The following ORM2 variants were observed in gnomAD, a reference collection of about 807,000 sequenced individuals.
The protein encoded by ORM2 is orosomucoid 2.
In ORM2, 19 loss-of-function variants were observed where a neutral mutation model predicts 26.8. The observed-to-expected ratio is 0.71, with a 90% confidence interval of 0.49 to 1.04. The LOEUF is 1.04. Among genes scored for constraint, ORM2 ranks in the 50% least tolerant of loss-of-function variants. The pLI, the probability that ORM2 is intolerant of heterozygous loss-of-function variation, is 0.00. For missense variants in ORM2, 259 were observed against 244.9 expected, an observed-to-expected ratio of 1.06 and a Z score of -0.39; for synonymous variants, 94 against 100.0, an observed-to-expected ratio of 0.94 and a Z score of 0.36.
chr9:114,331,754 G>C, intron 4 of ORM2, 72 bp from the exon 5 acceptor site: 1 of 1,581,500 alleles, frequency 6.3e-7, no homozygotes, highest in African/African-American at 1.4e-5. Context: ...CTGGCCCCTA[G>C]AACCCCAGCC....
chr9:114,331,794 G>A, intron 4 of ORM2, 32 bp from the exon 5 acceptor site: 4 of 1,607,152 alleles, frequency 2.5e-6, no homozygotes, highest in Non-Finnish European at 3.4e-6. Context: ...GCCCCACCAT[G>A]TCCCCAGTCA....
rs754749610 is a variant in ORM2, at chr9:114,330,458, G to A, written c.139G>A (p.Ala47Thr). 12 of 1,601,276 alleles carry A rather than the reference G, an allele frequency of 7.5e-6. No homozygotes were observed. The highest frequency in any genetic ancestry group is 6.7e-5 in the Admixed American group (4 of 59,810). The change falls in exon 2 of 6, where the codon GCA (alanine) becomes ACA (threonine). Residue 47 changes from alanine (A) to threonine (T), a missense_variant. By Grantham distance (58) the Ala-to-Thr change is moderately conservative. Transcript: ENST00000431067. ...DRITGKWFYI[A>T]SAFRNEEYNK... ...GATCACTGGCAAGTGGTTTTATATCGCATCGGCCTTTCGAAACGAGGAGTA... is the reference window on the plus strand; with the variant it reads ...GATCACTGGCAAGTGGTTTTATATCACATCGGCCTTTCGAAACGAGGAGTA...
rs546865293 is a variant in ORM2 at position 114,330,117 on chromosome 9, A to G, written c.114+99A>G. 1.9e-3 allele frequency: 3,046 copies of G among 1,604,158 alleles called. 25 individuals carry two copies. Among genetic ancestry groups the G allele is most frequent in the Admixed American group, 0.014 (822 of 57,896 alleles). Reference sequence around the variant, plus strand: ...TGGCTGTGGTCGCACCCCCACTCCCAGCTCTGCCTTTTTCTCTTCTGGGTC... The same window carrying G: ...TGGCTGTGGTCGCACCCCCACTCCCGGCTCTGCCTTTTTCTCTTCTGGGTC... On this transcript the variant is annotated intron_variant, in intron 1 of 5. Transcript: ENST00000431067.
At chr9:114,331,768 C>T (rs1171792798) in intron 4 of ORM2, 58 bp from the exon 5 acceptor site, 3 of 1,592,728 alleles carry the variant, frequency 1.9e-6, no homozygotes, top group Admixed American at 1.7e-5. Flanking sequence ...CCCAGCCCTC[C>T]CTGGCCTCCC....
Position 114,331,902 on chromosome 9 carries a change from A to C in ORM2, c.513A>C (p.Ser171=). 2 of 1,613,886 alleles carry C rather than the reference A, an allele frequency of 1.2e-6. No homozygotes were observed. Among genetic ancestry groups the C allele is most frequent in the Non-Finnish European group, 1.7e-6 (2 of 1,179,878 alleles). ...EALDCLCIPR[S]DVMYTDWKKD... is the part of the protein sequence containing the mutation. ...TCGACTGCTTGTGCATTCCCAGGTC[A>C]GATGTCATGTACACCGACTGGAAAA... The change falls in exon 5 of 6, where the codon TCA becomes TCC. Residue 171 remains serine (S), a synonymous_variant. Transcript: ENST00000431067.
chr9:114,331,797 C>T (rs1293159910), intron 4 of ORM2, 29 bp from the exon 5 acceptor site: 1 of 1,608,282 alleles, frequency 6.2e-7, no homozygotes, highest in African/African-American at 1.3e-5. Context: ...CCACCATGTC[C>T]CCAGTCAGTC....
chr9:114,330,732 G>T (rs375273392), intron 2 of ORM2, 60 bp from the exon 3 acceptor site: 147 of 1,596,172 alleles, frequency 9.2e-5, no homozygotes, highest in Non-Finnish European at 1.0e-4. Flanking sequence ...TGTGATGGGC[G>T]ATTGGCCACT....
In ORM2 at chr9:114,330,792, C is replaced by T; in HGVS notation, c.258C>T (p.Arg86=). 1 of 1,613,642 alleles carries T rather than the reference C, an allele frequency of 6.2e-7. No individual in the cohort carries two copies. Residue 86 remains arginine, a splice_region_variant and synonymous_variant, in exon 3 of 6, where the codon CGC becomes CGT. Coordinates refer to ENST00000431067, the MANE Select transcript of ORM2 (RefSeq NM_000608.4). Reference sequence around the variant, plus strand: ...TCTTCCGCCTTCTGGTTGACTTTAGCCAGAACCAGTGCTTCTATAACTCCA... The same window carrying T: ...TCTTCCGCCTTCTGGTTGACTTTAGTCAGAACCAGTGCTTCTATAACTCCA... ...DTIFLREYQT[R]QNQCFYNSSY...
rs570655307 is a variant in ORM2 at position 114,332,827 on chromosome 9, CA to C, written c.541-241del. Among the ~76,000 whole-genome samples, 13 of 152,294 alleles carry C rather than the reference CA, an allele frequency of 8.5e-5. No individual in the cohort carries two copies. In the East Asian group the frequency reaches 2.5e-3, roughly 29 times the overall value. Reference sequence around the variant, plus strand: ...AAGGGCCCTGCAGGTACTATGTGCTCAGTAAATGCCAGTGGTTCTTAAGGGT... The same window carrying C: ...AAGGGCCCTGCAGGTACTATGTGCTCGTAAATGCCAGTGGTTCTTAAGGGT... On this transcript the variant is annotated intron_variant, in intron 5 of 5. Coordinates refer to ENST00000431067, the MANE Select transcript of ORM2 (RefSeq NM_000608.4).
chr9:114,332,033 G>C (rs1588926039), intron 5 of ORM2, 104 bp downstream of exon 5: 1 of 944,344 alleles, frequency 1.1e-6, no homozygotes, highest in African/African-American at 1.8e-5. Context: ...GCACAGCTAG[G>C]CAGATCTTCT....
rs569411411 is a variant in ORM2, at chr9:114,331,936, G to T, written c.540+7G>T. ...GTACACCGACTGGAAAAAGGTAAAC[G>T]CAAGGGATTGGACAGTGCCCACCTT... On this transcript the variant is annotated splice_region_variant and intron_variant, in intron 5 of 5. Coordinates refer to ENST00000431067, the MANE Select transcript of ORM2 (RefSeq NM_000608.4). 1.2e-6 allele frequency: 2 copies of T among 1,612,528 alleles called. No homozygotes were observed. The highest frequency in any genetic ancestry group is 2.2e-5 in the East Asian group (1 of 44,874).
At position 114,330,780 on chromosome 9, in the gene ORM2, G is replaced by C; in HGVS notation, c.258-12G>C. ...CATTACTGTTTTTCTTCCGCCTTCT[G>C]GTTGACTTTAGCCAGAACCAGTGCT... On this transcript the variant is annotated splice_polypyrimidine_tract_variant and intron_variant, in intron 2 of 5. Coordinates refer to ENST00000431067, the MANE Select transcript of ORM2 (RefSeq NM_000608.4). 1.2e-6 allele frequency: 2 copies of C among 1,613,404 alleles called. No homozygotes were observed. Among genetic ancestry groups the C allele is most frequent in the South Asian group, 1.1e-5 (1 of 91,052 alleles).
chr9:114,330,655 C>T (rs1829835828), intron 2 of ORM2, 79 bp downstream of exon 2: 1 of 1,600,010 alleles, frequency 6.2e-7, no homozygotes, highest in Non-Finnish European at 8.5e-7. Context: ...TCTTCCTGGC[C>T]TTGGCCTTCC....
intron 3 of ORM2, 97 bp downstream of exon 3, chr9:114,330,959 C>G (rs777006001): frequency 6.0e-5 from 58 of 970,876 alleles, no homozygotes; most frequent in Non-Finnish European, 8.3e-5. Flanking sequence ...GCTTTGGGCA[C>G]AGAGAAATAA....
At chr9:114,332,034 C>G (rs1468386925) in intron 5 of ORM2, 105 bp downstream of exon 5, 6 of 926,700 alleles carry the variant, frequency 6.5e-6, no homozygotes, top group Non-Finnish European at 6.7e-6. Context: ...CACAGCTAGG[C>G]AGATCTTCTG....
chr9:114,331,004 G>GA (rs2131729920), intron 3 of ORM2, 142 bp downstream of exon 3: 3 of 655,386 alleles, frequency 4.6e-6, no homozygotes, highest in East Asian at 2.7e-5. Flanking sequence ...CACGTGCTCA[G>GA]AAAAAATCCC....
At position 114,331,599 on chromosome 9, in the gene ORM2, T is replaced by A. The variant is rs142776732; in HGVS notation, c.361T>A (p.Phe121Ile). 4.3e-6 allele frequency: 7 copies of A among 1,613,772 alleles called. No individual in the cohort carries two copies. The highest frequency in any genetic ancestry group is 2.2e-5 in the East Asian group (1 of 44,868). ...GGREHVAHLL[F>I]LRDTKTLMFG... is the part of the protein sequence containing the mutation. Reference sequence around the variant, plus strand: ...CCGAGAACATGTTGCTCACCTGCTGTTCCTTAGGGACACCAAGACCTTGAT... The same window carrying A: ...CCGAGAACATGTTGCTCACCTGCTGATCCTTAGGGACACCAAGACCTTGAT... Residue 121 changes from phenylalanine (F) to isoleucine (I), a missense_variant, in exon 4 of 6, where the codon TTC (phenylalanine) becomes ATC (isoleucine). By Grantham distance (21) the Phe-to-Ile change is conservative. This residue lies in a region of ORM2 where 251 missense variants were observed against 220.5 expected (regional missense o/e 1.14). Coordinates refer to ENST00000431067, the MANE Select transcript of ORM2 (RefSeq NM_000608.4).
intron 4 of ORM2, 68 bp downstream of exon 4, chr9:114,331,742 G>A (rs1829856861): frequency 1.1e-5 from 18 of 1,586,546 alleles, no homozygotes; most frequent in Non-Finnish European, 1.4e-5. Context: ...CCCACCCCTG[G>A]GCTGGCCCCT....
In ORM2 at chr9:114,330,005, C is replaced by T; in HGVS notation, c.101C>T (p.Ala34Val). The change falls in exon 1 of 6, where the codon GCC (alanine) becomes GTC (valine). Residue 34 changes from alanine to valine, a missense_variant. Physicochemically the swap from Ala to Val is moderately conservative, Grantham distance 64. Coordinates refer to ENST00000431067, the MANE Select transcript of ORM2 (RefSeq NM_000608.4). ...CTAGTACCGGTGCCCATCACCAACG[C>T]CACCCTGGACCGGGTGAGTGCCTGG... Reference protein sequence around the residue: ...ANLVPVPITNATLDRITGKWF... With the variant: ...ANLVPVPITNVTLDRITGKWF... The T allele has an allele frequency of 6.3e-7, 1 of 1,577,870 alleles. No homozygotes were observed. Among genetic ancestry groups the T allele is most frequent in the Non-Finnish European group, 8.6e-7 (1 of 1,162,610 alleles).
Sources: allele counts gnomAD v4.1 joint callset (sites outside exome capture counted in the v4.1 genomes callset), GRCh38; gene constraint gnomAD v4.1.1; regional missense constraint gnomAD v4.1.1; transcripts MANE v1.5; gene names NCBI Gene and HGNC (gene_info 2026-07-23, HGNC 2026-07-21).